Variants in METTL2B observed in about 807,000 individuals in gnomAD.
METTL2B encodes tRNA N(3)-cytidine methyltransferase METTL2B.
METTL2B carries 28 observed loss-of-function variants against 51.0 expected under a neutral mutation model. The observed-to-expected ratio is 0.55, with a 90% CI of 0.41 to 0.75. METTL2B has a LOEUF of 0.75. METTL2B is among the 30% of genes least tolerant of loss of function. The pLI is 0.00. For synonymous variants in METTL2B, 128 were observed against 166.3 expected (o/e 0.77, Z 1.77); for missense variants, 313 against 460.7 (o/e 0.68, Z 2.93).
rs373453923 is a variant in METTL2B at position 128,501,880 on chromosome 7, C to G, written c.1101C>G (p.Cys367Trp). The change falls in exon 9 of 9, where the codon TGC becomes TGG. Residue 367 changes from cysteine (C) to tryptophan (W), a missense_variant. This residue lies in a region of METTL2B where 138 missense variants were observed against 187.6 expected (regional missense o/e 0.74). Coordinates refer to ENST00000262432, the MANE Select transcript of METTL2B (RefSeq NM_018396.3). ...CAATGTACCGGGTTTGGATTCAGTG[C>G]AAATACTGCAAGCCCCTTCTGTCCA... The part of the protein sequence containing the change: ...QLTMYRVWIQ[C>W]KYCKPLLSST... The G allele has an allele frequency of 2.5e-6, 4 of 1,614,156 alleles. No homozygotes were observed. The highest frequency in any genetic ancestry group is 3.4e-6 in the Non-Finnish European group (4 of 1,180,036).
chr7:128,481,030 CCTTCTT>C (rs150465114), intron 4 of METTL2B, among the ~76,000 whole-genome samples: 3 of 152,130 alleles, frequency 2.0e-5, no homozygotes, highest in Non-Finnish European at 4.4e-5. Flanking sequence ...ACGTTTAGTG[CCTTCTT>C]CTTCTTCTAA....
chr7:128,501,085 G>T, intron 8 of METTL2B, 117 bp downstream of exon 8: 2 of 1,549,022 alleles, frequency 1.3e-6, no homozygotes, highest in Non-Finnish European at 1.7e-6. Flanking sequence ...GTTTCCTTCG[G>T]TTCCCCGCTG....
At chr7:128,491,781 G>C (rs1198236320) in intron 5 of METTL2B, among the ~76,000 whole-genome samples, 2 of 139,174 alleles carry the variant, frequency 1.4e-5, no homozygotes, top group African/African-American at 2.7e-5. Flanking sequence ...AAAAAAAAAG[G>C]GTCTGTCACA....
At chr7:128,484,415 G>T (rs1189208050) in intron 4 of METTL2B, among the ~76,000 whole-genome samples, 1 of 150,654 alleles carries the variant, frequency 6.6e-6, no homozygotes, top group East Asian at 1.9e-4. Flanking sequence ...GTAGAAATGG[G>T]GTTTTGCCAT....
At chr7:128,491,723 C>A (rs1321485923) in intron 5 of METTL2B, among the ~76,000 whole-genome samples, 1 of 143,840 alleles carries the variant, frequency 7.0e-6, no homozygotes, top group African/African-American at 2.6e-5. Flanking sequence ...GCTGAGATCG[C>A]ACCACTCCAG....
Position 128,502,952 on chromosome 7 carries a change from C to G in METTL2B, c.*1036C>G. 5.4e-6 allele frequency: 1 copy of G among 186,180 alleles called. No homozygotes were observed. The highest frequency in any genetic ancestry group is 8.6e-5 in the South Asian group (1 of 11,636). 11.5% of individuals were successfully genotyped at this position (186,180 alleles called of 1,614,324 possible). A position where few individuals can be genotyped will look rare whatever the true frequency, so the allele number is the denominator to read the frequency against. On this transcript the variant is annotated 3_prime_UTR_variant, in exon 9 of 9. Coordinates refer to ENST00000262432, the MANE Select transcript of METTL2B (RefSeq NM_018396.3). ...TCCATGGAATTTTAAGCACTGTTCC[C>G]CCTCTAACCTATGTCTAAAGAATTA... is the stretch of plus-strand genomic sequence containing the variant.
At chr7:128,501,732 T>C in intron 8 of METTL2B, 30 bp from the exon 9 acceptor site, 1 of 1,609,614 alleles carries the variant, frequency 6.2e-7, no homozygotes, top group East Asian at 2.2e-5. Context: ...GAGGGGAAAA[T>C]GCATAAACAT....
chr7:128,493,904 T>C lies in METTL2B; in HGVS notation c.770T>C (p.Ile257Thr). 6.2e-7 allele frequency: 1 copy of C among 1,610,052 alleles called. No individual in the cohort carries two copies. Reference sequence around the variant, plus strand: ...GTGCCCAAGGGCAGTCTTGATATTATCATTCTCATATTTGTTCTTTCAGCA... The same window carrying C: ...GTGCCCAAGGGCAGTCTTGATATTACCATTCTCATATTTGTTCTTTCAGCA... ...YPVPKGSLDIIILIFVLSAVV... is the reference protein window; with the variant it reads ...YPVPKGSLDITILIFVLSAVV... The change falls in exon 6 of 9, where the codon ATC becomes ACC. Residue 257 changes from isoleucine (I) to threonine (T), a missense_variant. Physicochemically the swap from Ile to Thr is moderately conservative, Grantham distance 89 (BLOSUM62 -1). Transcript: ENST00000262432.
intron 4 of METTL2B, among the ~76,000 whole-genome samples, chr7:128,487,070 C>T (rs1442552428): frequency 6.6e-6 from 1 of 152,176 alleles, no homozygotes; most frequent in African/African-American, 2.4e-5. Context: ...GCACTAGCCA[C>T]GTGTGAAACG....
Position 128,504,895 on chromosome 7 carries a change from T to C in METTL2B, c.*2979T>C, listed in dbSNP as rs1793099536. On this transcript the variant is annotated 3_prime_UTR_variant, in exon 9 of 9. Coordinates refer to ENST00000262432, the MANE Select transcript of METTL2B (RefSeq NM_018396.3). The stretch of plus-strand genomic sequence containing the variant: ...AGGTGGATCACCTGAGGTCGGGAGT[T>C]CGAGACCAGCCTGACCAACATGGAG... The C allele has an allele frequency of 6.6e-6, 1 of 151,404 alleles. No homozygotes were observed. The highest frequency in any genetic ancestry group is 2.4e-5 in the African/African-American group (1 of 41,138). 9.4% of individuals were successfully genotyped at this position (151,404 alleles called of 1,614,324 possible).
Position 128,479,336 on chromosome 7 carries a change from A to C in METTL2B, c.381A>C (p.Arg127Ser). The C allele has an allele frequency of 6.2e-7, 1 of 1,614,244 alleles. No individual in the cohort carries two copies. Among genetic ancestry groups the C allele is most frequent in the Admixed American group, 1.7e-5 (1 of 60,032 alleles). ...LENKSEVCEC[R>S]NNEDGPGLIM... ...ACAAGAGTGAAGTATGTGAATGTAGAAACAATGAGGATGGACCTGGTTTAA... is the reference window on the plus strand; with the variant it reads ...ACAAGAGTGAAGTATGTGAATGTAGCAACAATGAGGATGGACCTGGTTTAA... The change falls in exon 3 of 9, where the codon AGA becomes AGC. Residue 127 changes from arginine (R) to serine (S), a missense_variant. Arg to Ser is a moderately radical substitution (Grantham distance 110). Around this residue, in one of 4 missense-constraint regions of METTL2B, gnomAD observed 67 missense variants for 101.4 expected, o/e 0.66. Transcript: ENST00000262432.
rs68069472 is a variant in METTL2B at position 128,496,760 on chromosome 7, C to CTTTGTTTGTTTG, written c.810-1252_810-1241dup. Among the ~76,000 whole-genome samples the CTTTGTTTGTTTG allele has an allele frequency of 1.5e-3, 229 of 149,084 alleles. 1 individual carries two copies. Among genetic ancestry groups the CTTTGTTTGTTTG allele is most frequent in the African/African-American group, 4.9e-3 (197 of 40,424 alleles). On this transcript the variant is annotated intron_variant, in intron 6 of 8. Transcript: ENST00000262432. ...CATAGCAGGACCCCAGCTGCTTTTT[C>CTTTGTTTGTTTG]TTTGTTTGTTTGTTTGTTTGTTTGT...
chr7:128,488,166 G>C lies in METTL2B; in HGVS notation c.669+5G>C, dbSNP rs757494611. ...ACAGCTATAGAACTGGTCCAGGTGAGTACGATGGGAAATTACCTATTGGTA... is the reference window on the plus strand; with the variant it reads ...ACAGCTATAGAACTGGTCCAGGTGACTACGATGGGAAATTACCTATTGGTA... On this transcript the variant is annotated splice_donor_5th_base_variant and intron_variant, in intron 5 of 8. Transcript: ENST00000262432. 11 of 1,613,402 alleles carry C rather than the reference G, an allele frequency of 6.8e-6. No individual in the cohort carries two copies. Among genetic ancestry groups the C allele is most frequent in the Non-Finnish European group, 9.3e-6 (11 of 1,179,742 alleles).
At position 128,502,675 on chromosome 7, in the gene METTL2B, G is replaced by A. The variant is rs1274397530; in HGVS notation, c.*759G>A. The A allele has an allele frequency of 2.3e-6, 1 of 443,494 alleles. No homozygotes were observed. The highest frequency in any genetic ancestry group is 4.5e-6 in the Non-Finnish European group (1 of 223,260). The allele number at this position is 443,494 out of a possible 1,614,324, so 27.5% of individuals were successfully genotyped here. ...GCACTTTGGGAGGCCGAGGCGGGCAGATCACCTGAGGTCAGGAGTTCGAGA... is the reference window on the plus strand; with the variant it reads ...GCACTTTGGGAGGCCGAGGCGGGCAAATCACCTGAGGTCAGGAGTTCGAGA... On this transcript the variant is annotated 3_prime_UTR_variant, in exon 9 of 9. Transcript: ENST00000262432.
intron 8 of METTL2B, chr7:128,501,328 G>C (rs3802008): frequency 0.27 from 266,845 of 985,216 alleles, 36,384 homozygotes; most frequent in Middle Eastern, 0.35. Context: ...TGGGTTCTAG[G>C]GGTGCCGGGA....
chr7:128,486,304 G>A (rs1792713859), intron 4 of METTL2B, among the ~76,000 whole-genome samples: 1 of 148,818 alleles, frequency 6.7e-6, no homozygotes, highest in African/African-American at 2.5e-5. Flanking sequence ...AAAAAAAAAA[G>A]AAAAGCACAA....
At chr7:128,495,240 T>C (rs1207123154) in intron 6 of METTL2B, among the ~76,000 whole-genome samples, 1 of 152,064 alleles carries the variant, frequency 6.6e-6, no homozygotes, top group Non-Finnish European at 1.5e-5. Context: ...TTTAAATGCT[T>C]TAAATAAAAC....
At chr7:128,476,920 C>T (rs1799807322) in intron 1 of METTL2B, 45 bp downstream of exon 1, 6 of 1,574,658 alleles carry the variant, frequency 3.8e-6, no homozygotes, top group Non-Finnish European at 3.5e-6. Flanking sequence ...GGCCGTCTGT[C>T]CCGCCGCCTC....
intron 3 of METTL2B, among the ~76,000 whole-genome samples, chr7:128,479,852 C>T (rs1473303754): frequency 6.6e-6 from 1 of 152,172 alleles, no homozygotes; most frequent in Non-Finnish European, 1.5e-5. Context: ...AAAAATGTCC[C>T]AGATCAGAAG....
Sources: allele counts gnomAD v4.1 joint callset (sites outside exome capture counted in the v4.1 genomes callset), GRCh38; gene constraint gnomAD v4.1.1; regional missense constraint gnomAD v4.1.1; transcripts MANE v1.5; gene names NCBI Gene and HGNC (gene_info 2026-07-23, HGNC 2026-07-21).